DOCK11: variants seen among roughly 807,000 people sequenced by gnomAD.
DOCK11 encodes dedicator of cytokinesis 11.
Under a neutral mutation model 169.1 loss-of-function variants are expected in DOCK11, and 70 were observed. That is an observed-to-expected ratio of 0.41 (90% CI 0.34 to 0.51). DOCK11 has a LOEUF of 0.51. DOCK11 is among the 20% of genes least tolerant of loss of function. DOCK11 has a pLI of 0.10. For synonymous variants in DOCK11, 529 were observed against 541.3 expected, an observed-to-expected ratio of 0.98 and a Z score of 0.32; for missense variants, 1,166 against 1,538.8, an observed-to-expected ratio of 0.76 and a Z score of 4.05.
intron 28 of DOCK11, among the ~76,000 whole-genome samples, chrX:118,613,961 T>A (rs780229257): frequency 1.8e-5 from 2 of 111,978 alleles, no homozygotes; most frequent in South Asian, 7.4e-4. Context: ...AATTTGAAAT[T>A]GTATTAGAGA....
At chrX:118,637,485 C>T (rs918487696) in intron 36 of DOCK11, among the ~76,000 whole-genome samples, 1 of 111,867 alleles carries the variant, frequency 8.9e-6, no homozygotes, top group East Asian at 2.8e-4. Context: ...GCGGGCCAGG[C>T]GTGGTGGCTC....
At chrX:118,636,283 G>A (rs1392918685) in intron 35 of DOCK11, 63 bp from the exon 36 acceptor site, 5 of 676,764 alleles carry the variant, frequency 7.4e-6, no homozygotes, top group Non-Finnish European at 8.7e-6. Context: ...AGGACTTGGG[G>A]ATTCACTGTG....
At position 118,546,210 on chromosome X, in the gene DOCK11, C is replaced by CCAAAAAA. The variant is rs59721327; in HGVS notation, c.558+94_558+95insCAAAAAA. ...ATATTTATTTTACAAAGAGCCCTAG[C>CCAAAAAA]AAAAAAAAAAAAAAAAAAAAAGGAG... On this transcript the variant is annotated intron_variant, in intron 6 of 52. Transcript: ENST00000276202. 36 of 49,308 alleles carry CCAAAAAA rather than the reference C, an allele frequency of 7.3e-4. 8 individuals are homozygous for CCAAAAAA. The highest frequency in any genetic ancestry group is 1.1e-3 in the Non-Finnish European group (31 of 28,318). The allele number at this position is 49,308 out of a possible 1,213,427, so 4.1% of individuals were successfully genotyped here. A position where few individuals can be genotyped will look rare whatever the true frequency, so the allele number is the denominator to read the frequency against.
intron 31 of DOCK11, among the ~76,000 whole-genome samples, chrX:118,622,455 C>T (rs921775515): frequency 2.7e-5 from 3 of 111,432 alleles, no homozygotes; most frequent in African/African-American, 9.8e-5. Flanking sequence ...CTCTGTTGTG[C>T]AGGCAAAATT....
At chrX:118,566,294 T>G in intron 8 of DOCK11, 112 bp downstream of exon 8, 2 of 731,952 alleles carry the variant, frequency 2.7e-6, no homozygotes, top group Non-Finnish European at 2.0e-6. Context: ...GTTGACCTGC[T>G]TCTTCATTAA....
chrX:118,647,392 T>C (rs867640878), intron 40 of DOCK11, among the ~76,000 whole-genome samples: 9 of 96,956 alleles, frequency 9.3e-5, no homozygotes, highest in Middle Eastern at 5.1e-3. Flanking sequence ...TCAAAACATA[T>C]TGAGAACCTG....
chrX:118,560,488 A>G (rs953020666), intron 6 of DOCK11, among the ~76,000 whole-genome samples: 4 of 112,039 alleles, frequency 3.6e-5, no homozygotes, highest in African/African-American at 1.3e-4. Context: ...CTCACCCTGA[A>G]GTGACTTCAG....
intron 41 of DOCK11, among the ~76,000 whole-genome samples, chrX:118,651,684 AT>A (rs1427457942): frequency 2.6e-4 from 29 of 112,208 alleles, no homozygotes; most frequent in African/African-American, 9.1e-4. Context: ...TCAGTTCACT[AT>A]TATGAAAATA....
chrX:118,552,875 C>T (rs2012547459), intron 6 of DOCK11, among the ~76,000 whole-genome samples: 1 of 111,490 alleles, frequency 9.0e-6, no homozygotes, highest in Non-Finnish European at 1.9e-5. Context: ...AGACCTCATC[C>T]CCTTTTTTTT....
intron 21 of DOCK11, 72 bp from the exon 22 acceptor site, chrX:118,597,958 A>C: frequency 1.2e-6 from 1 of 814,349 alleles, no homozygotes; most frequent in South Asian, 3.5e-5. Context: ...AAAATGTTTA[A>C]ATGCATAAAG....
chrX:118,659,238 T>C (rs1833905943), intron 44 of DOCK11, among the ~76,000 whole-genome samples: 1 of 111,252 alleles, frequency 9.0e-6, no homozygotes, highest in South Asian at 3.7e-4. Context: ...AGGGTTATGG[T>C]CTCTATCTGA....
At chrX:118,566,500 A>G in intron 8 of DOCK11, 74 bp from the exon 9 acceptor site, 2 of 938,208 alleles carry the variant, frequency 2.1e-6, no homozygotes, top group Non-Finnish European at 3.0e-6. Flanking sequence ...TGGGAGAGAT[A>G]GTTAGGATAC....
intron 23 of DOCK11, among the ~76,000 whole-genome samples, chrX:118,604,552 T>C (rs2014442340): frequency 1.3e-5 from 1 of 78,237 alleles, no homozygotes; most frequent in African/African-American, 4.7e-5. Flanking sequence ...TTTTTTTTGG[T>C]TAGCTGGTTG....
chrX:118,547,687 C>A (rs987108682), intron 6 of DOCK11, among the ~76,000 whole-genome samples: 1 of 112,552 alleles, frequency 8.9e-6, no homozygotes, highest in Non-Finnish European at 1.9e-5. Flanking sequence ...TGAACCTAGG[C>A]AGGCTGATGT....
rs776787635 is a variant in DOCK11 at position 118,573,775 on chromosome X, A to C, written c.1177-31A>C. 8 of 1,159,013 alleles carry C rather than the reference A, an allele frequency of 6.9e-6. No individual in the cohort carries two copies. In the East Asian group the frequency reaches 2.1e-4, roughly 31 times the overall value. On this transcript the variant is annotated intron_variant, in intron 11 of 52. Transcript: ENST00000276202. ...CCCGCCATGCCCCCACTAAAGTCTCAGTTTTAAAATGTAACTGTTTTCATT... is the reference window on the plus strand; with the variant it reads ...CCCGCCATGCCCCCACTAAAGTCTCCGTTTTAAAATGTAACTGTTTTCATT...
chrX:118,654,924 T>C lies in DOCK11; in HGVS notation c.4932T>C (p.His1644=), dbSNP rs2016030297. Residue 1644 remains histidine (H), a synonymous_variant, in exon 44 of 53, where the codon CAT becomes CAC. Transcript: ENST00000276202. The part of the protein sequence containing the change: ...DFSEAAMCYV[H]VAALVAEFLH... ...TTCAGGCTGCGATGTGTTATGTCCATGTAGCAGCTCTAGTTGCAGAGTTTC... is the reference window on the plus strand; with the variant it reads ...TTCAGGCTGCGATGTGTTATGTCCACGTAGCAGCTCTAGTTGCAGAGTTTC... 6 of 1,210,085 alleles carry C rather than the reference T, an allele frequency of 5.0e-6. No homozygotes were observed. The highest frequency in any genetic ancestry group is 6.7e-6 in the Non-Finnish European group (6 of 893,767).
intron 1 of DOCK11, chrX:118,538,634 CT>C: frequency 1.4e-6 from 1 of 719,848 alleles, no homozygotes; most frequent in Non-Finnish European, 1.6e-6. Context: ...GCATAAATGC[CT>C]TCGCCTTTTA....
At chrX:118,557,043 A>T (rs2012720642) in intron 6 of DOCK11, among the ~76,000 whole-genome samples, 1 of 112,003 alleles carries the variant, frequency 8.9e-6, no homozygotes, top group Non-Finnish European at 1.9e-5. Context: ...CCACTGGAGA[A>T]TCTGCTGGAG....
chrX:118,672,879 C>T (rs1006040210), intron 46 of DOCK11, among the ~76,000 whole-genome samples: 1 of 112,331 alleles, frequency 8.9e-6, no homozygotes, highest in African/African-American at 3.2e-5. Flanking sequence ...TTTTTCTTCC[C>T]AGATTCTAGG....
Sources: gnomAD v4.1 joint callset for allele counts (sites outside exome capture counted in the v4.1 genomes callset) on GRCh38, gnomAD v4.1.1 for gene constraint, MANE v1.5 for transcripts, NCBI Gene and HGNC (gene_info 2026-07-23, HGNC 2026-07-21) for gene names.